ACYP2: variants seen among roughly 807,000 people sequenced by gnomAD.
ACYP2 encodes acylphosphatase-2.
A neutral mutation model predicts 11.2 loss-of-function variants in ACYP2; 12 were observed. The observed-to-expected ratio is 1.08, with a 90% CI of 0.69 to 1.74. ACYP2 has a LOEUF of 1.74. Ranked by LOEUF, ACYP2 falls within the 40% of genes most tolerant of loss-of-function variation. ACYP2 has a pLI of 0.00. For synonymous variants in ACYP2, 43 were observed against 32.2 expected, an observed-to-expected ratio of 1.33 and a Z score of -1.13; for missense variants, 134 against 101.9, an observed-to-expected ratio of 1.31 and a Z score of -1.35.
At chr2:54,251,417 A>G (rs564112426) in intron 6 of ACYP2, among the ~76,000 whole-genome samples, 14 of 152,180 alleles carry the variant, frequency 9.2e-5, no homozygotes, top group Non-Finnish European at 1.9e-4. Context: ...CAAGAATATT[A>G]AAGTACAATA....
In ACYP2 at chr2:54,104,970, C is replaced by T. The variant is rs543251583; in HGVS notation, c.278-30483C>T. Among the ~76,000 whole-genome samples the T allele has an allele frequency of 8.5e-5, 13 of 152,252 alleles. No homozygotes were observed. In the South Asian group the frequency reaches 2.3e-3, roughly 27 times the overall value. On this transcript the variant is annotated intron_variant, in intron 4 of 6. Coordinates refer to ENST00000607452, the MANE Select transcript of ACYP2 (RefSeq NM_001320586.2). The stretch of plus-strand genomic sequence containing the variant: ...ACAAGCTGAGGCATGGGGTATAATT[C>T]AGGTATTCCCTTCGAAGCCTACACA...
At chr2:54,039,412 C>T (rs1675103623) in intron 2 of ACYP2, among the ~76,000 whole-genome samples, 1 of 152,036 alleles carries the variant, frequency 6.6e-6, no homozygotes, top group South Asian at 2.1e-4. Context: ...CCGCCTCAGC[C>T]TCCCTAGTAG....
At chr2:53,975,733 G>A (rs1307684864) in intron 2 of ACYP2, among the ~76,000 whole-genome samples, 1 of 152,152 alleles carries the variant, frequency 6.6e-6, no homozygotes, top group African/African-American at 2.4e-5. Flanking sequence ...TTGGGAGGCT[G>A]AGGCAGGAGA....
At chr2:54,012,895 A>G (rs942791296) in intron 2 of ACYP2, among the ~76,000 whole-genome samples, 7 of 152,006 alleles carry the variant, frequency 4.6e-5, no homozygotes, top group Non-Finnish European at 7.4e-5. Flanking sequence ...CAAGGCCCTG[A>G]GTGCTCTGAC....
At chr2:54,002,380 C>G (rs1345656127) in intron 2 of ACYP2, among the ~76,000 whole-genome samples, 1 of 146,398 alleles carries the variant, frequency 6.8e-6, no homozygotes, top group Non-Finnish European at 1.5e-5. Context: ...GAGTCTTGCT[C>G]TGTTGCCCAG....
chr2:54,036,928 C>A (rs1573575006), intron 2 of ACYP2, among the ~76,000 whole-genome samples: 1 of 152,268 alleles, frequency 6.6e-6, no homozygotes, highest in East Asian at 1.9e-4. Context: ...TTGACTGCTT[C>A]ATGGTCAGGT....
chr2:54,002,916 G>A (rs1184762183), intron 2 of ACYP2, among the ~76,000 whole-genome samples: 1 of 148,972 alleles, frequency 6.7e-6, no homozygotes, highest in Non-Finnish European at 1.5e-5. Flanking sequence ...CCAAAGTGCT[G>A]GGATTACAGG....
rs1239426111 is a variant in ACYP2, at chr2:54,220,587, TCTATTTTAATAA to T, written c.404+81840_404+81851del. On this transcript the variant is annotated intron_variant, in intron 6 of 6. Coordinates refer to ENST00000607452, the MANE Select transcript of ACYP2 (RefSeq NM_001320586.2). ...CATCAAATAGTAAAGATTTTTATCTTCTATTTTAATAATATCAATTACTTCTGATGGTTTGAC... is the reference window on the plus strand; with the variant it reads ...CATCAAATAGTAAAGATTTTTATCTTTATCAATTACTTCTGATGGTTTGAC... Among the ~76,000 whole-genome samples, 3 of 152,212 alleles carry T rather than the reference TCTATTTTAATAA, an allele frequency of 2.0e-5. No individual in the cohort carries two copies. In the East Asian group the frequency reaches 5.8e-4, roughly 29 times the overall value.
At chr2:54,256,109 A>G (rs773454568) in intron 6 of ACYP2, 3 of 1,614,090 alleles carry the variant, frequency 1.9e-6, no homozygotes, top group Non-Finnish European at 2.5e-6. Context: ...TCCAGAGCAT[A>G]GTCGAGAGTA....
chr2:54,228,544 A>G (rs1342727312), intron 6 of ACYP2, among the ~76,000 whole-genome samples: 1 of 152,144 alleles, frequency 6.6e-6, no homozygotes, highest in Non-Finnish European at 1.5e-5. Flanking sequence ...CAGTATGCCA[A>G]ACCACCTTCT....
At chr2:54,039,533 C>A (rs1427387487) in intron 2 of ACYP2, among the ~76,000 whole-genome samples, 4 of 151,990 alleles carry the variant, frequency 2.6e-5, no homozygotes, top group African/African-American at 9.7e-5. Context: ...CTCAAGCAAT[C>A]CACTCACCTT....
At chr2:54,097,128 C>T (rs955288188) in intron 4 of ACYP2, among the ~76,000 whole-genome samples, 3 of 152,230 alleles carry the variant, frequency 2.0e-5, no homozygotes, top group African/African-American at 7.2e-5. Flanking sequence ...CTCCGAGTCT[C>T]TGTTCCAAGG....
At chr2:54,218,336 G>C (rs980089447) in intron 6 of ACYP2, among the ~76,000 whole-genome samples, 2 of 152,142 alleles carry the variant, frequency 1.3e-5, no homozygotes, top group African/African-American at 4.8e-5. Context: ...CTGCTGGTGT[G>C]CTACATATAT....
At chr2:54,275,071 GAAGA>G (rs1250499974) in intron 6 of ACYP2, among the ~76,000 whole-genome samples, 4 of 141,254 alleles carry the variant, frequency 2.8e-5, no homozygotes, top group African/African-American at 1.1e-4. Context: ...AGGTATAAAA[GAAGA>G]AAAAAAACCT....
At chr2:54,091,757 C>T (rs1481809093) in intron 4 of ACYP2, among the ~76,000 whole-genome samples, 3 of 152,082 alleles carry the variant, frequency 2.0e-5, no homozygotes, top group Admixed American at 2.0e-4. Context: ...AGTGATCCAC[C>T]CGTCTCGGCC....
chr2:54,034,242 C>T (rs1395754345), intron 2 of ACYP2, among the ~76,000 whole-genome samples: 1 of 152,134 alleles, frequency 6.6e-6, no homozygotes, highest in Non-Finnish European at 1.5e-5. Context: ...CTTGTAATCC[C>T]AGCTACTCGG....
chr2:54,207,008 TTG>T (rs553019356), intron 6 of ACYP2, among the ~76,000 whole-genome samples: 3 of 151,512 alleles, frequency 2.0e-5, no homozygotes, highest in Admixed American at 1.3e-4. Flanking sequence ...GCAGAACCAA[TTG>T]TGTGTGTGTG....
chr2:54,018,185 A>G (rs1178996771), intron 2 of ACYP2, among the ~76,000 whole-genome samples: 5 of 152,048 alleles, frequency 3.3e-5, no homozygotes, highest in Admixed American at 2.0e-4. Flanking sequence ...TAGTTCTCAA[A>G]CCTAAGTAAG....
chr2:54,049,299 C>G (rs79176794), intron 2 of ACYP2, among the ~76,000 whole-genome samples: 239 of 152,008 alleles, frequency 1.6e-3, no homozygotes, highest in African/African-American at 4.9e-3. Flanking sequence ...CTAGTGCCAC[C>G]CTGATCTTTT....
Sources: gnomAD v4.1 joint callset for allele counts (sites outside exome capture counted in the v4.1 genomes callset) on GRCh38, gnomAD v4.1.1 for gene constraint, MANE v1.5 for transcripts, NCBI Gene and HGNC (gene_info 2026-07-23, HGNC 2026-07-21) for gene names.